DCDC1: variants seen among roughly 807,000 people sequenced by gnomAD.
DCDC1 encodes doublecortin domain-containing protein 1.
DCDC1 carries 200 observed loss-of-function variants against 178.3 expected under a neutral mutation model. The ratio of observed to expected loss-of-function variants is 1.12; its 90% CI spans 1.00 to 1.26. DCDC1 has a LOEUF of 1.26. Among genes scored for constraint, DCDC1 ranks in the 50% most tolerant of loss-of-function variants. The pLI is 0.00. For missense variants in DCDC1, 1,983 were observed against 1,749.2 expected (o/e 1.13, Z -2.38); for synonymous variants, 690 against 604.8 (o/e 1.14, Z -2.07).
At position 31,330,226 on chromosome 11, in the gene DCDC1, C is replaced by T. The variant is rs539251972; in HGVS notation, c.-6-1940G>A. On this transcript the variant is annotated intron_variant, in intron 2 of 38. Transcript: ENST00000684477. ...TTGAGAAATGTCTGTTCATATCCTA[C>T]GCCCACTTTTTGATGGGGTTGGTTT... 4.6e-3 allele frequency among the ~76,000 whole-genome samples: 635 copies of T among 137,344 alleles called. 4 individuals carry two copies. Among genetic ancestry groups the T allele is most frequent in the African/African-American group, 0.016 (567 of 34,668 alleles). 90.1% of individuals were successfully genotyped at this position (137,344 alleles called of 152,430 possible).
intron 1 of DCDC1, among the ~76,000 whole-genome samples, chr11:31,358,218 T>C (rs1243494936): frequency 6.6e-6 from 1 of 152,034 alleles, no homozygotes; most frequent in Non-Finnish European, 1.5e-5. Flanking sequence ...CAAAACAGCA[T>C]GGTACTGGTA....
At chr11:30,996,423 T>A (rs1951275584) in intron 20 of DCDC1, among the ~76,000 whole-genome samples, 1 of 151,692 alleles carries the variant, frequency 6.6e-6, no homozygotes, top group Non-Finnish European at 1.5e-5. Context: ...ATGGTTTGGA[T>A]GTTTTTGGCC....
chr11:31,250,407 CACACACACATAT>C (rs1943903535), intron 8 of DCDC1, among the ~76,000 whole-genome samples: 4 of 100,406 alleles, frequency 4.0e-5, no homozygotes, highest in East Asian at 5.4e-4. Context: ...CACACACACA[CACACACACATAT>C]ACATATATAT....
At chr11:30,933,986 C>T (rs1048366011) in intron 21 of DCDC1, among the ~76,000 whole-genome samples, 6 of 152,196 alleles carry the variant, frequency 3.9e-5, no homozygotes, top group African/African-American at 7.2e-5. Context: ...ATAACACATA[C>T]GTCTCCTTTT....
At chr11:31,266,031 A>T (rs915568630) in intron 7 of DCDC1, among the ~76,000 whole-genome samples, 1 of 151,682 alleles carries the variant, frequency 6.6e-6, no homozygotes, top group African/African-American at 2.4e-5. Flanking sequence ...TTTCACAATG[A>T]GAGGATATTA....
chr11:30,897,315 G>A (rs1343560091), intron 34 of DCDC1, among the ~76,000 whole-genome samples: 2 of 152,030 alleles, frequency 1.3e-5, no homozygotes, highest in East Asian at 1.9e-4. Context: ...TTGGCCGGAC[G>A]CAGTGGCTCA....
At chr11:30,940,633 T>C (rs1041942222) in intron 21 of DCDC1, among the ~76,000 whole-genome samples, 1 of 152,176 alleles carries the variant, frequency 6.6e-6, no homozygotes, top group African/African-American at 2.4e-5. Flanking sequence ...TTTAATATTA[T>C]TATTTTTTAT....
chr11:31,242,028 C>A (rs766140753), intron 8 of DCDC1, among the ~76,000 whole-genome samples: 2 of 151,914 alleles, frequency 1.3e-5, no homozygotes, highest in Non-Finnish European at 2.9e-5. Context: ...ACTCTATATA[C>A]CTAAAACATC....
intron 9 of DCDC1, among the ~76,000 whole-genome samples, chr11:31,231,904 G>A (rs528477687): frequency 6.6e-6 from 1 of 152,286 alleles, no homozygotes; most frequent in East Asian, 1.9e-4. Flanking sequence ...GCTGTGAGTG[G>A]ATTTGCTCTC....
In DCDC1 at chr11:31,130,975, G is replaced by A. The variant is rs1327639466; in HGVS notation, c.1315-3336C>T. Among the ~76,000 whole-genome samples, 12 of 30,378 alleles carry A rather than the reference G, an allele frequency of 4.0e-4. 4 individuals are homozygous for A. In the East Asian group the frequency reaches 0.095, roughly 239 times the overall value. 19.9% of individuals were successfully genotyped at this position (30,378 alleles called of 152,430 possible). A position where few individuals can be genotyped will look rare whatever the true frequency, so the allele number is the denominator to read the frequency against. On this transcript the variant is annotated intron_variant, in intron 10 of 38. Transcript: ENST00000684477. ...AGGCGGGTGGATCATGAGGTCAGGA[G>A]ATCGAGACCATCCTGGCTAACAAGG... is the stretch of plus-strand genomic sequence containing the variant.
intron 9 of DCDC1, among the ~76,000 whole-genome samples, chr11:31,229,142 G>A (rs1203932103): frequency 6.6e-6 from 1 of 151,984 alleles, no homozygotes; most frequent in East Asian, 1.9e-4. Flanking sequence ...AAAACTCCAG[G>A]CCCAGATGGT....
chr11:31,330,179 T>C lies in DCDC1; in HGVS notation c.-6-1893A>G, dbSNP rs186136391. 3.2e-3 allele frequency among the ~76,000 whole-genome samples: 492 copies of C among 152,342 alleles called. 2 individuals carry two copies. Among genetic ancestry groups the C allele is most frequent in the African/African-American group, 0.011 (464 of 41,564 alleles). ...TGATGAGCATTTTTTCATGTGTCTG[T>C]TGGCTGCATAAATGTCTTCTTTTGA... On this transcript the variant is annotated intron_variant, in intron 2 of 38. Coordinates refer to ENST00000684477, the MANE Select transcript of DCDC1 (RefSeq NM_001387274.1).
chr11:30,959,712 G>T (rs539380973), intron 20 of DCDC1, among the ~76,000 whole-genome samples: 1 of 152,152 alleles, frequency 6.6e-6, no homozygotes, highest in African/African-American at 2.4e-5. Context: ...CCAGAAGTGA[G>T]GGGGACTCAA....
intron 8 of DCDC1, among the ~76,000 whole-genome samples, chr11:31,257,322 A>G (rs1177304755): frequency 6.6e-6 from 1 of 152,192 alleles, no homozygotes; most frequent in African/African-American, 2.4e-5. Flanking sequence ...AACCTCTATC[A>G]ATCAAAGTAG....
At chr11:30,976,562 C>T (rs967941640) in intron 20 of DCDC1, among the ~76,000 whole-genome samples, 1 of 151,522 alleles carries the variant, frequency 6.6e-6, no homozygotes, top group African/African-American at 2.4e-5. Context: ...ATACAGATGG[C>T]CAACAGGCAT....
At chr11:31,127,078 C>G (rs1481826994) in intron 11 of DCDC1, among the ~76,000 whole-genome samples, 1 of 152,188 alleles carries the variant, frequency 6.6e-6, no homozygotes, top group Admixed American at 6.5e-5. Context: ...CTTTCACCTT[C>G]AATTTCTATT....
chr11:31,076,941 C>A (rs778895233), intron 18 of DCDC1, among the ~76,000 whole-genome samples: 14 of 152,088 alleles, frequency 9.2e-5, no homozygotes, highest in Non-Finnish European at 1.9e-4. Context: ...TAGACCCCAC[C>A]AAGCAGGCTG....
At position 30,900,495 on chromosome 11, in the gene DCDC1, T is replaced by C. The variant is rs1239639081; in HGVS notation, c.4514A>G (p.Asn1505Ser). 5 of 1,531,048 alleles carry C rather than the reference T, an allele frequency of 3.3e-6. No individual in the cohort carries two copies. Among genetic ancestry groups the C allele is most frequent in the Non-Finnish European group, 4.4e-6 (5 of 1,135,366 alleles). The allele number at this position is 1,531,048 out of a possible 1,614,324, so 94.8% of individuals were successfully genotyped here. The change falls in exon 33 of 39, where the codon AAT becomes AGT. Residue 1505 changes from asparagine to serine, a missense_variant. Asn to Ser is a conservative substitution (Grantham distance 46). Transcript: ENST00000684477. ...EQIIVESMEE[N>S]PRMKVKNRLF... ...TCTGTTTTTCACTTTCATTCTTGGA[T>C]TTTCTGGTGGAAAAAATGACACATT... is the stretch of plus-strand genomic sequence containing the variant.
chr11:31,132,937 CAT>C (rs1426857167), intron 10 of DCDC1, among the ~76,000 whole-genome samples: 1 of 152,168 alleles, frequency 6.6e-6, no homozygotes, highest in Admixed American at 6.5e-5. Flanking sequence ...CAAATGTGCA[CAT>C]GTCTATAAAC....
Sources: gnomAD v4.1 joint callset for allele counts (sites outside exome capture counted in the v4.1 genomes callset) on GRCh38, gnomAD v4.1.1 for gene constraint, MANE v1.5 for transcripts, NCBI Gene and HGNC (gene_info 2026-07-23, HGNC 2026-07-21) for gene names.